LRMDA: variants seen among roughly 807,000 people sequenced by gnomAD.
LRMDA encodes leucine rich melanocyte differentiation associated.
A neutral mutation model predicts 29.8 loss-of-function variants in LRMDA; 18 were observed. That is an observed-to-expected ratio of 0.60 (90% CI 0.42 to 0.90). LRMDA has a LOEUF of 0.90. Among genes scored for constraint, LRMDA ranks in the 40% least tolerant of loss-of-function variants. The pLI, the probability that LRMDA is intolerant of heterozygous loss-of-function variation, is 0.00. For missense variants in LRMDA, 273 were observed against 273.9 expected (o/e 1.00, Z 0.02); for synonymous variants, 125 against 109.4 (o/e 1.14, Z -0.89).
intron 5 of LRMDA, among the ~76,000 whole-genome samples, chr10:76,092,442 C>T (rs1363427692): frequency 1.3e-5 from 2 of 152,212 alleles, no homozygotes; most frequent in Non-Finnish European, 2.9e-5. Context: ...CCCTCCTCTT[C>T]ACCTTAGGAA....
chr10:76,493,094 G>A (rs1483027761), intron 6 of LRMDA, among the ~76,000 whole-genome samples: 4 of 152,038 alleles, frequency 2.6e-5, no homozygotes, highest in African/African-American at 9.7e-5. Context: ...CCAGACTCGT[G>A]TTCCTCTAGG....
intron 3 of LRMDA, among the ~76,000 whole-genome samples, chr10:76,043,053 C>T (rs867182283): frequency 2.8e-4 from 42 of 151,950 alleles, no homozygotes; most frequent in African/African-American, 9.4e-4. Context: ...ACCCAGGAGG[C>T]AGAGGTTGCA....
chr10:75,677,113 A>C (rs1450830736), intron 2 of LRMDA, among the ~76,000 whole-genome samples: 4 of 152,260 alleles, frequency 2.6e-5, no homozygotes, highest in African/African-American at 4.8e-5. Flanking sequence ...GGTTTGTCAT[A>C]GAATGTATTT....
At chr10:76,321,616 T>A (rs1409996243) in intron 5 of LRMDA, among the ~76,000 whole-genome samples, 1 of 152,036 alleles carries the variant, frequency 6.6e-6, no homozygotes, top group East Asian at 1.9e-4. Flanking sequence ...AAAAGTAAAA[T>A]GTAAAACTAT....
chr10:76,385,958 T>C (rs1455332249), intron 6 of LRMDA, among the ~76,000 whole-genome samples: 1 of 152,164 alleles, frequency 6.6e-6, no homozygotes, highest in Non-Finnish European at 1.5e-5. Context: ...TTGTTTCTGG[T>C]AAATTTTACT....
chr10:75,752,573 A>T (rs530034102), intron 2 of LRMDA, among the ~76,000 whole-genome samples: 11 of 152,296 alleles, frequency 7.2e-5, no homozygotes, highest in African/African-American at 2.6e-4. Flanking sequence ...CACGTGGTAT[A>T]CTTTGGTATG....
At chr10:76,072,302 G>T (rs1564645554) in intron 5 of LRMDA, among the ~76,000 whole-genome samples, 1 of 152,082 alleles carries the variant, frequency 6.6e-6, no homozygotes, top group Non-Finnish European at 1.5e-5. Context: ...CCACTTAAAG[G>T]GGTGTGACCT....
At chr10:76,158,099 A>G (rs913807234) in intron 5 of LRMDA, among the ~76,000 whole-genome samples, 1 of 152,158 alleles carries the variant, frequency 6.6e-6, no homozygotes, top group African/African-American at 2.4e-5. Context: ...GGACTGGTCA[A>G]ATATGTTTTC....
intron 6 of LRMDA, among the ~76,000 whole-genome samples, chr10:76,522,933 C>T (rs1426974040): frequency 6.6e-6 from 1 of 152,118 alleles, no homozygotes; most frequent in East Asian, 1.9e-4. Context: ...TCTGTGGGCT[C>T]TTTCATGGAC....
At chr10:76,038,419 G>A (rs1848287416) in intron 3 of LRMDA, among the ~76,000 whole-genome samples, 1 of 152,172 alleles carries the variant, frequency 6.6e-6, no homozygotes, top group Admixed American at 6.5e-5. Context: ...AATGGCCTAG[G>A]AGGGACCGAA....
chr10:75,491,088 C>T lies in LRMDA; in HGVS notation c.131+52594C>T, dbSNP rs761852783. On this transcript the variant is annotated intron_variant, in intron 2 of 6. Transcript: ENST00000611255. ...AGAGGCAGCATTATTAATGGAAATG[C>T]ATTTTCTTTGAAGCTTGAATTTATT... Among the ~76,000 whole-genome samples the T allele has an allele frequency of 3.5e-4, 53 of 152,296 alleles. 1 individual carries two copies. Among genetic ancestry groups the T allele is most frequent in the Admixed American group, 8.5e-4 (13 of 15,296 alleles).
intron 2 of LRMDA, among the ~76,000 whole-genome samples, chr10:75,474,296 C>T (rs988789092): frequency 6.6e-6 from 1 of 152,178 alleles, no homozygotes; most frequent in Non-Finnish European, 1.5e-5. Flanking sequence ...GCTGCTATAA[C>T]AAAATACCAT....
intron 2 of LRMDA, among the ~76,000 whole-genome samples, chr10:75,652,227 A>G (rs1489173651): frequency 1.3e-5 from 2 of 152,222 alleles, no homozygotes; most frequent in Non-Finnish European, 2.9e-5. Context: ...TCCCTCGATA[A>G]GTAAAATCCA....
At chr10:76,355,218 G>A (rs1470133671) in intron 6 of LRMDA, among the ~76,000 whole-genome samples, 1 of 152,156 alleles carries the variant, frequency 6.6e-6, no homozygotes, top group Non-Finnish European at 1.5e-5. Flanking sequence ...ATGTGCCAAA[G>A]TGACTAGAAT....
At chr10:75,499,907 C>T (rs566781971) in intron 2 of LRMDA, among the ~76,000 whole-genome samples, 36 of 152,298 alleles carry the variant, frequency 2.4e-4, no homozygotes, top group African/African-American at 7.5e-4. Context: ...TTCTGAGCTC[C>T]GGCCTGATTC....
At chr10:76,097,478 G>A (rs901718291) in intron 5 of LRMDA, among the ~76,000 whole-genome samples, 26 of 152,192 alleles carry the variant, frequency 1.7e-4, no homozygotes, top group Non-Finnish European at 3.5e-4. Flanking sequence ...AATGCATGCA[G>A]ATATCTTTGC....
intron 6 of LRMDA, among the ~76,000 whole-genome samples, chr10:76,394,998 T>G (rs1907336): frequency 0.34 from 51,239 of 152,034 alleles, 12,574 homozygotes; most frequent in African/African-American, 0.68. Flanking sequence ...TTAATTCTCA[T>G]AAGTAGAACA....
chr10:75,739,233 T>C (rs1234352685), intron 2 of LRMDA, among the ~76,000 whole-genome samples: 1 of 152,222 alleles, frequency 6.6e-6, no homozygotes, highest in Admixed American at 6.5e-5. Context: ...TGTATGTTAA[T>C]ACATATATTA....
intron 5 of LRMDA, among the ~76,000 whole-genome samples, chr10:76,115,726 G>A (rs774256830): frequency 3.2e-4 from 48 of 152,124 alleles, no homozygotes; most frequent in Non-Finnish European, 5.4e-4. Flanking sequence ...TCACAGCTCC[G>A]GCTGTTATAT....
Sources: allele counts gnomAD v4.1 joint callset (sites outside exome capture counted in the v4.1 genomes callset), GRCh38; gene constraint gnomAD v4.1.1; transcripts MANE v1.5; gene names NCBI Gene and HGNC (gene_info 2026-07-23, HGNC 2026-07-21).